The following TMEM171 variants were observed in gnomAD, a reference collection of about 807,000 sequenced individuals.
The protein encoded by TMEM171 is proline-rich protein PRP2.
In TMEM171, 16 loss-of-function variants were observed where a neutral mutation model predicts 19.1. The observed-to-expected ratio is 0.84, with a 90% CI of 0.57 to 1.27. The LOEUF is 1.27. Among genes scored for constraint, TMEM171 ranks in the 50% most tolerant of loss-of-function variants. TMEM171 has a pLI of 0.00. For missense variants in TMEM171, 429 were observed against 412.7 expected, an observed-to-expected ratio of 1.04 and a Z score of -0.34; for synonymous variants, 153 against 163.4, an observed-to-expected ratio of 0.94 and a Z score of 0.48.
At position 73,123,534 on chromosome 5, in the gene TMEM171, A is replaced by G. The variant is rs747361967; in HGVS notation, c.161A>G (p.Asp54Gly). Reference protein sequence around the residue: ...FQACQYKPLPDCPMVLKVAGP... With the variant: ...FQACQYKPLPGCPMVLKVAGP... ...GCATGCCAATATAAGCCCCTCCCAG[A>G]CTGCCCCATGGTGCTCAAGGTGGCG... Residue 54 changes from aspartate to glycine, a missense_variant, in exon 2 of 4, where the codon GAC (aspartate) becomes GGC (glycine). Physicochemically the swap from Asp to Gly is moderately conservative, Grantham distance 94. Coordinates refer to ENST00000454765, the MANE Select transcript of TMEM171 (RefSeq NM_173490.8). The G allele has an allele frequency of 6.2e-7, 1 of 1,614,154 alleles. No homozygotes were observed. Among genetic ancestry groups the G allele is most frequent in the Non-Finnish European group, 8.5e-7 (1 of 1,180,028 alleles).
At chr5:73,128,364 G>T (rs986858530) in intron 2 of TMEM171, 26 bp from the exon 3 acceptor site, 1 of 1,606,524 alleles carries the variant, frequency 6.2e-7, no homozygotes, top group Non-Finnish European at 8.5e-7. Context: ...CCCACCTGTT[G>T]TCAACTAAAT....
rs184384438 is a variant in TMEM171 at position 73,131,310 on chromosome 5, A to G, written c.783-228A>G. The stretch of plus-strand genomic sequence containing the variant: ...TCAATGTCTTTTCAATGACAAAGGG[A>G]ATGACAGCAGGAGTGAGACTGTCTT... On this transcript the variant is annotated intron_variant, in intron 3 of 3. Coordinates refer to ENST00000454765, the MANE Select transcript of TMEM171 (RefSeq NM_173490.8). Among the ~76,000 whole-genome samples the G allele has an allele frequency of 2.0e-4, 31 of 152,180 alleles. No individual in the cohort carries two copies. The East Asian group carries it at 6.0e-3, about 29-fold the overall frequency.
rs369125746 is a variant in TMEM171, at chr5:73,123,690, G to T, written c.317G>T (p.Ser106Ile). The T allele has an allele frequency of 2.7e-5, 44 of 1,614,134 alleles. No homozygotes were observed. The highest frequency in any genetic ancestry group is 3.6e-5 in the Non-Finnish European group (42 of 1,180,056). ...GACCGAGCCTTCATCTGTGGAGAGAGCCGCCAGTTTGCCCAGTGCCTTATC... is the reference window on the plus strand; with the variant it reads ...GACCGAGCCTTCATCTGTGGAGAGATCCGCCAGTTTGCCCAGTGCCTTATC... ...DPDRAFICGE[S>I]RQFAQCLIFG... Residue 106 changes from serine to isoleucine, a missense_variant, in exon 2 of 4, where the codon AGC becomes ATC. Coordinates refer to ENST00000454765, the MANE Select transcript of TMEM171 (RefSeq NM_173490.8).
chr5:73,130,948 C>T (rs1083428), intron 3 of TMEM171, among the ~76,000 whole-genome samples: 126,529 of 152,108 alleles, frequency 0.83, 53,286 homozygotes, highest in East Asian at 0.99. Context: ...TATGTAACTC[C>T]CATATCCAGT....
Position 73,123,475 on chromosome 5 carries a change from T to C in TMEM171, c.102T>C (p.Cys34=), listed in dbSNP as rs1744060182. The C allele has an allele frequency of 6.2e-7, 1 of 1,614,076 alleles. No individual in the cohort carries two copies. The highest frequency in any genetic ancestry group is 8.5e-7 in the Non-Finnish European group (1 of 1,180,024). The change falls in exon 2 of 4, where the codon TGT becomes TGC. Residue 34 remains cysteine, a synonymous_variant. Coordinates refer to ENST00000454765, the MANE Select transcript of TMEM171 (RefSeq NM_173490.8). ...TTGTCTTCGGCGCCGTCTTGTTGTG[T>C]GTGGGAGTCCTGCTCTCCATCTTTG... The part of the protein sequence containing the change: ...CFFVFGAVLL[C]VGVLLSIFGF...
chr5:73,126,043 G>A (rs547069628), intron 2 of TMEM171, among the ~76,000 whole-genome samples: 5 of 152,320 alleles, frequency 3.3e-5, no homozygotes, highest in African/African-American at 1.2e-4. Flanking sequence ...AAAGACGCAT[G>A]AAAGGGAACT....
At chr5:73,120,870 C>A in intron 1 of TMEM171, among the ~76,000 whole-genome samples, 174 bp downstream of exon 1, 1 of 152,282 alleles carries the variant, frequency 6.6e-6, no homozygotes, top group Non-Finnish European at 1.5e-5. Context: ...CCCTAAAAGC[C>A]GCAAACCGAT....
chr5:73,126,732 C>T (rs1447180166), intron 2 of TMEM171, among the ~76,000 whole-genome samples: 1 of 152,176 alleles, frequency 6.6e-6, no homozygotes, highest in Non-Finnish European at 1.5e-5. Flanking sequence ...TTAAAGAATC[C>T]TATGCCACCC....
At chr5:73,123,203 C>T in intron 1 of TMEM171, 103 bp from the exon 2 acceptor site, 1 of 982,120 alleles carries the variant, frequency 1.0e-6, no homozygotes, top group Admixed American at 2.9e-5. Context: ...GTTCTACCCC[C>T]AAGGCCTCAT....
chr5:73,131,582 A>G lies in TMEM171; in HGVS notation c.827A>G (p.Glu276Gly). 1 of 1,612,330 alleles carries G rather than the reference A, an allele frequency of 6.2e-7. No homozygotes were observed. Among genetic ancestry groups the G allele is most frequent in the Non-Finnish European group, 8.5e-7 (1 of 1,179,368 alleles). ...SEGAASERDCESIYTISGTNS... is the reference protein window; with the variant it reads ...SEGAASERDCGSIYTISGTNS... ...GGTGCAGCCTCTGAAAGAGACTGTGAATCTATATATACCATTTCTGGGACG... is the reference window on the plus strand; with the variant it reads ...GGTGCAGCCTCTGAAAGAGACTGTGGATCTATATATACCATTTCTGGGACG... The change falls in exon 4 of 4, where the codon GAA (glutamate) becomes GGA (glycine). Residue 276 changes from glutamate (E) to glycine (G), a missense_variant. Glu to Gly is a moderately conservative substitution (Grantham distance 98). Transcript: ENST00000454765.
rs1236180520 is a variant in TMEM171, at chr5:73,123,598, C to A, written c.225C>A (p.Ile75=). Residue 75 remains isoleucine (I), a synonymous_variant, in exon 2 of 4, where the codon ATC becomes ATA. Coordinates refer to ENST00000454765, the MANE Select transcript of TMEM171 (RefSeq NM_173490.8). ...ACAVVGLGAV[I]LARSRAQLQL... ...CCGTGGTTGGGCTTGGGGCTGTGAT[C>A]CTGGCCCGCTCCCGGGCGCAACTTC... is the stretch of plus-strand genomic sequence containing the variant. The A allele has an allele frequency of 6.2e-7, 1 of 1,614,102 alleles. No individual in the cohort carries two copies. Among genetic ancestry groups the A allele is most frequent in the Non-Finnish European group, 8.5e-7 (1 of 1,180,052 alleles).
chr5:73,125,269 G>C (rs1427490373), intron 2 of TMEM171, among the ~76,000 whole-genome samples: 2 of 152,088 alleles, frequency 1.3e-5, no homozygotes, highest in Non-Finnish European at 2.9e-5. Context: ...GTCTATTTTT[G>C]TGCCAAACAC....
chr5:73,122,102 G>T (rs2112918406), intron 1 of TMEM171, among the ~76,000 whole-genome samples: 1 of 152,302 alleles, frequency 6.6e-6, no homozygotes, highest in Non-Finnish European at 1.5e-5. Context: ...TCTGGAAGGT[G>T]CTTTCTCACT....
At chr5:73,129,553 C>T (rs983242307) in intron 3 of TMEM171, among the ~76,000 whole-genome samples, 4 of 152,176 alleles carry the variant, frequency 2.6e-5, no homozygotes, top group African/African-American at 9.7e-5. Context: ...GATTCCCTGC[C>T]TCCACACCCT....
At chr5:73,122,165 T>G (rs1744022063) in intron 1 of TMEM171, among the ~76,000 whole-genome samples, 1 of 152,200 alleles carries the variant, frequency 6.6e-6, no homozygotes, top group African/African-American at 2.4e-5. Flanking sequence ...TCCACCCATT[T>G]TGTGCTTTAT....
At chr5:73,128,608 G>A (rs1744250215) in intron 3 of TMEM171, 77 bp downstream of exon 3, 6 of 1,543,482 alleles carry the variant, frequency 3.9e-6, no homozygotes, top group Non-Finnish European at 5.3e-6. Context: ...GGTTCACCAG[G>A]AGGCATTCAA....
At chr5:73,128,341 C>T (rs1369910570) in intron 2 of TMEM171, 49 bp from the exon 3 acceptor site, 2 of 1,586,188 alleles carry the variant, frequency 1.3e-6, no homozygotes, top group South Asian at 1.1e-5. Context: ...TGCTAATTTG[C>T]TTCCATTTAT....
At chr5:73,129,282 T>C (rs766085300) in intron 3 of TMEM171, among the ~76,000 whole-genome samples, 2 of 152,102 alleles carry the variant, frequency 1.3e-5, no homozygotes, top group Non-Finnish European at 2.9e-5. Context: ...CTCATGTAAA[T>C]GAAGTGGTGG....
Position 73,123,609 on chromosome 5 carries a change from C to T in TMEM171, c.236C>T (p.Ser79Phe). 4 of 1,614,214 alleles carry T rather than the reference C, an allele frequency of 2.5e-6. No homozygotes were observed. Among genetic ancestry groups the T allele is most frequent in the Middle Eastern group, 1.7e-4 (1 of 6,060 alleles). The change falls in exon 2 of 4, where the codon TCC becomes TTC. Residue 79 changes from serine to phenylalanine, a missense_variant. By Grantham distance (155) the Ser-to-Phe change is radical (BLOSUM62 -2). Coordinates refer to ENST00000454765, the MANE Select transcript of TMEM171 (RefSeq NM_173490.8). ...CTTGGGGCTGTGATCCTGGCCCGCT[C>T]CCGGGCGCAACTTCAGCTCCGTGCA... is the stretch of plus-strand genomic sequence containing the variant. ...VGLGAVILAR[S>F]RAQLQLRAGL...
Sources: gnomAD v4.1 joint callset for allele counts (sites outside exome capture counted in the v4.1 genomes callset) on GRCh38, gnomAD v4.1.1 for gene constraint, MANE v1.5 for transcripts, NCBI Gene and HGNC (gene_info 2026-07-23, HGNC 2026-07-21) for gene names.